The following SLC39A11 variants were observed in gnomAD, a reference collection of about 807,000 sequenced individuals.
SLC39A11 encodes zinc transporter ZIP11.
SLC39A11 carries 33 observed loss-of-function variants against 36.1 expected under a neutral mutation model. That is an observed-to-expected ratio of 0.91 (90% CI 0.69 to 1.22). The LOEUF (loss-of-function observed/expected upper bound fraction) is 1.22. Ranked by LOEUF, SLC39A11 falls within the 50% of genes most tolerant of loss-of-function variation. The pLI is 0.00. For synonymous variants in SLC39A11, 166 were observed against 170.3 expected (o/e 0.97, Z 0.20); for missense variants, 432 against 430.3 (o/e 1.00, Z -0.03).
intron 5 of SLC39A11, among the ~76,000 whole-genome samples, chr17:72,877,566 AG>A (rs1379821209): frequency 6.6e-6 from 1 of 152,146 alleles, no homozygotes; most frequent in Non-Finnish European, 1.5e-5. Flanking sequence ...TTTGCTCATG[AG>A]AGGTAATCAA....
chr17:73,026,272 C>A (rs9902448), intron 4 of SLC39A11, among the ~76,000 whole-genome samples: 113,614 of 149,014 alleles, frequency 0.76, 44,914 homozygotes, highest in Non-Finnish European at 0.87. Flanking sequence ...ACTTGTAACA[C>A]CAGCACTGTG....
At chr17:73,001,780 A>C (rs2089837193) in intron 4 of SLC39A11, among the ~76,000 whole-genome samples, 1 of 152,140 alleles carries the variant, frequency 6.6e-6, no homozygotes, top group Admixed American at 6.6e-5. Flanking sequence ...AGGCAAAAGA[A>C]AGACAAGACC....
intron 5 of SLC39A11, among the ~76,000 whole-genome samples, chr17:72,883,526 G>GA (rs2081308930): frequency 6.6e-6 from 1 of 151,778 alleles, no homozygotes; most frequent in Non-Finnish European, 1.5e-5. Flanking sequence ...AAGCTAGCCA[G>GA]TTAATTACAC....
chr17:72,843,018 C>T lies in SLC39A11; in HGVS notation c.601+6616G>A, dbSNP rs898013489. The stretch of plus-strand genomic sequence containing the variant: ...AGGCTGGAGTGCCATGGTGCGATCT[C>T]GGCTCACTGCAACCTCTGCCTCCTG... On this transcript the variant is annotated intron_variant, in intron 6 of 9. Coordinates refer to ENST00000255559, the MANE Select transcript of SLC39A11 (RefSeq NM_139177.4). Among the ~76,000 whole-genome samples, 11 of 152,112 alleles carry T rather than the reference C, an allele frequency of 7.2e-5. No homozygotes were observed. In the South Asian group the frequency reaches 1.0e-3, roughly 14 times the overall value.
At chr17:72,729,457 A>ATATTTTTTTTTTT (rs1555650680) in intron 7 of SLC39A11, among the ~76,000 whole-genome samples, 2 of 7,242 alleles carry the variant, frequency 2.8e-4, no homozygotes, top group Non-Finnish European at 6.4e-4. Flanking sequence ...ATATATATAT[A>ATATTTTTTTTTTT]TTTTTTTTTT....
At chr17:73,005,272 C>T (rs368574384) in intron 4 of SLC39A11, among the ~76,000 whole-genome samples, 30 of 152,186 alleles carry the variant, frequency 2.0e-4, no homozygotes, top group African/African-American at 6.5e-4. Context: ...GCCACCGTGC[C>T]CGGCCCACAC....
intron 4 of SLC39A11, among the ~76,000 whole-genome samples, chr17:72,985,854 A>G (rs183327885): frequency 2.4e-4 from 37 of 152,322 alleles, no homozygotes; most frequent in African/African-American, 8.9e-4. Context: ...GTCTTTGTAA[A>G]TGATCGAGGT....
intron 7 of SLC39A11, among the ~76,000 whole-genome samples, chr17:72,715,850 T>C (rs1211023878): frequency 2.0e-5 from 3 of 151,976 alleles, no homozygotes; most frequent in Admixed American, 1.3e-4. Context: ...ATTACAGGCA[T>C]GTGCCACCTG....
At chr17:72,719,412 C>A (rs2073556008) in intron 7 of SLC39A11, among the ~76,000 whole-genome samples, 1 of 152,204 alleles carries the variant, frequency 6.6e-6, no homozygotes, top group South Asian at 2.1e-4. Context: ...GACACAAGCA[C>A]CAGTGCTCCT....
At chr17:73,017,204 C>T (rs555324112) in intron 4 of SLC39A11, among the ~76,000 whole-genome samples, 1 of 152,222 alleles carries the variant, frequency 6.6e-6, no homozygotes, top group East Asian at 1.9e-4. Flanking sequence ...CTGTGACTTC[C>T]TATTTTAGAA....
chr17:73,010,910 T>C (rs1166541216), intron 4 of SLC39A11, among the ~76,000 whole-genome samples: 1 of 152,228 alleles, frequency 6.6e-6, no homozygotes, highest in Non-Finnish European at 1.5e-5. Context: ...AGCGTTTTCC[T>C]AACAATGATC....
At chr17:72,720,074 G>A (rs1243550539) in intron 7 of SLC39A11, among the ~76,000 whole-genome samples, 1 of 152,212 alleles carries the variant, frequency 6.6e-6, no homozygotes, top group African/African-American at 2.4e-5. Context: ...CTAGCACAGA[G>A]CTGACCACGC....
intron 6 of SLC39A11, among the ~76,000 whole-genome samples, chr17:72,810,356 C>T (rs1022047928): frequency 5.3e-5 from 8 of 152,184 alleles, no homozygotes; most frequent in African/African-American, 1.9e-4. Flanking sequence ...AGCATCCATT[C>T]ACAGAAGAAT....
chr17:72,748,955 G>A (rs923965174), intron 6 of SLC39A11, among the ~76,000 whole-genome samples: 3 of 152,162 alleles, frequency 2.0e-5, no homozygotes, highest in African/African-American at 4.8e-5. Flanking sequence ...TCTACCCTCC[G>A]GGCCTCTTTC....
intron 4 of SLC39A11, among the ~76,000 whole-genome samples, chr17:72,959,325 G>GTGTGTGTATATATATATA (rs1436484912): frequency 1.5e-5 from 1 of 65,546 alleles, no homozygotes; most frequent in African/African-American, 6.9e-5. Flanking sequence ...GTGTGTGTGT[G>GTGTGTGTATATATATATA]TATATATATA....
chr17:72,745,869 A>C lies in SLC39A11; in HGVS notation c.602-9150T>G, dbSNP rs112167636. Among the ~76,000 whole-genome samples the C allele has an allele frequency of 1.1e-3, 173 of 152,350 alleles. 2 individuals carry two copies. Among genetic ancestry groups the C allele is most frequent in the Middle Eastern group, 6.8e-3 (2 of 294 alleles). The stretch of plus-strand genomic sequence containing the variant: ...ATAAGCAGATAAGACCCTGTGGAGG[A>C]TTAATGAATATTAAACACAGCCACT... On this transcript the variant is annotated intron_variant, in intron 6 of 9. Transcript: ENST00000255559.
intron 5 of SLC39A11, among the ~76,000 whole-genome samples, chr17:72,924,558 T>A (rs1344660561): frequency 6.6e-6 from 1 of 152,070 alleles, no homozygotes; most frequent in Admixed American, 6.6e-5. Flanking sequence ...ACAGGGGACC[T>A]AAAACAACTT....
intron 3 of SLC39A11, among the ~76,000 whole-genome samples, chr17:73,044,465 G>A (rs972232148): frequency 2.0e-5 from 3 of 152,220 alleles, no homozygotes; most frequent in Admixed American, 6.5e-5. Context: ...GATACTACAC[G>A]ATTCCTTTTA....
intron 4 of SLC39A11, among the ~76,000 whole-genome samples, chr17:72,986,029 C>G (rs749191987): frequency 8.5e-5 from 13 of 152,178 alleles, no homozygotes; most frequent in Non-Finnish European, 1.2e-4. Context: ...GGGCTTGGAG[C>G]TCATCCTTCC....
Sources: allele counts gnomAD v4.1 joint callset (sites outside exome capture counted in the v4.1 genomes callset), GRCh38; gene constraint gnomAD v4.1.1; transcripts MANE v1.5; gene names NCBI Gene and HGNC (gene_info 2026-07-23, HGNC 2026-07-21).